NAV2: variants seen among roughly 807,000 people sequenced by gnomAD.
The protein encoded by NAV2 is helicase, APC down-regulated 1.
A neutral mutation model predicts 223.2 loss-of-function variants in NAV2; 54 were observed. That is an observed-to-expected ratio of 0.24 (90% CI 0.19 to 0.30). The LOEUF is 0.30. Among genes scored for constraint, NAV2 ranks in the 10% least tolerant of loss-of-function variants. The pLI is 1.00. For synonymous variants in NAV2, 1,279 were observed against 1,239.3 expected (o/e 1.03, Z -0.67); for missense variants, 2,806 against 3,147.5 (o/e 0.89, Z 2.60).
chr11:19,388,284 C>T (rs954880080), intron 1 of NAV2, among the ~76,000 whole-genome samples: 1 of 152,260 alleles, frequency 6.6e-6, no homozygotes, highest in East Asian at 1.9e-4. Flanking sequence ...CCTTGCAAAC[C>T]CATCGCTCAT....
intron 1 of NAV2, among the ~76,000 whole-genome samples, chr11:19,669,597 T>C (rs1192350722): frequency 6.6e-6 from 1 of 152,262 alleles, no homozygotes; most frequent in Non-Finnish European, 1.5e-5. Flanking sequence ...TTGGGTACCA[T>C]GGAGCTCACA....
chr11:20,080,230 C>T, intron 25 of NAV2, 21 bp downstream of exon 25: 1 of 1,609,236 alleles, frequency 6.2e-7, no homozygotes, highest in Non-Finnish European at 8.5e-7. Flanking sequence ...ATCCACTCTC[C>T]TGGGGACTGA....
chr11:19,422,089 G>C (rs766920097), intron 1 of NAV2, among the ~76,000 whole-genome samples: 3 of 152,158 alleles, frequency 2.0e-5, no homozygotes, highest in Non-Finnish European at 4.4e-5. Context: ...GAGAGAGGAG[G>C]GGACTTGCAT....
At chr11:19,721,390 C>T (rs1033677219) in intron 1 of NAV2, among the ~76,000 whole-genome samples, 3 of 152,176 alleles carry the variant, frequency 2.0e-5, no homozygotes, top group African/African-American at 7.2e-5. Context: ...CCACAAGGCC[C>T]ACTAAACGTC....
intron 4 of NAV2, among the ~76,000 whole-genome samples, chr11:19,871,315 C>G (rs1173510892): frequency 1.3e-5 from 2 of 152,204 alleles, no homozygotes. Context: ...ACTCAAAGCT[C>G]TTTACCCTCA....
At chr11:19,411,236 G>A (rs970828825) in intron 1 of NAV2, among the ~76,000 whole-genome samples, 1 of 152,146 alleles carries the variant, frequency 6.6e-6, no homozygotes, top group Non-Finnish European at 1.5e-5. Flanking sequence ...AGCAGCAGGA[G>A]GTACTTCAGT....
At chr11:19,630,095 A>G (rs1020541310) in intron 1 of NAV2, among the ~76,000 whole-genome samples, 1 of 150,786 alleles carries the variant, frequency 6.6e-6, no homozygotes, top group Non-Finnish European at 1.5e-5. Flanking sequence ...GGGGAATGCG[A>G]CCTATGTTCC....
intron 1 of NAV2, among the ~76,000 whole-genome samples, chr11:19,667,003 G>A (rs1360691604): frequency 6.6e-6 from 1 of 152,020 alleles, no homozygotes; most frequent in African/African-American, 2.4e-5. Context: ...CCTCCAGAAG[G>A]CCCTCCCCAG....
intron 12 of NAV2, among the ~76,000 whole-genome samples, chr11:20,037,018 G>C (rs1377633441): frequency 6.6e-6 from 1 of 152,164 alleles, no homozygotes; most frequent in African/African-American, 2.4e-5. Flanking sequence ...TTTACTAGTG[G>C]AAACGTAAAG....
intron 1 of NAV2, among the ~76,000 whole-genome samples, chr11:19,574,813 T>C (rs1393515815): frequency 6.6e-6 from 1 of 152,052 alleles, no homozygotes; most frequent in East Asian, 1.9e-4. Context: ...GTGATGAGTG[T>C]GGGGAGAATA....
chr11:19,468,129 A>G (rs1590263908), intron 1 of NAV2, among the ~76,000 whole-genome samples: 1 of 152,326 alleles, frequency 6.6e-6, no homozygotes, highest in East Asian at 1.9e-4. Context: ...CTTGAGTCAG[A>G]CAAACTTGGC....
chr11:20,032,370 G>A (rs2056655072), intron 11 of NAV2, among the ~76,000 whole-genome samples: 1 of 152,204 alleles, frequency 6.6e-6, no homozygotes, highest in African/African-American at 2.4e-5. Context: ...GAAGAATCCT[G>A]TGTATCAAGG....
At chr11:19,471,704 T>C (rs1183702413) in intron 1 of NAV2, among the ~76,000 whole-genome samples, 1 of 152,222 alleles carries the variant, frequency 6.6e-6, no homozygotes, top group African/African-American at 2.4e-5. Context: ...TGTTCATTTT[T>C]GATTTTCAAC....
At chr11:19,978,839 T>G (rs2050047557) in intron 10 of NAV2, 2 of 152,180 alleles carry the variant, frequency 1.3e-5, no homozygotes, top group African/African-American at 4.8e-5. Flanking sequence ...CTGTGAACTT[T>G]GGAAATGAGA....
At chr11:19,724,271 G>T (rs747485714) in intron 1 of NAV2, among the ~76,000 whole-genome samples, 7 of 152,190 alleles carry the variant, frequency 4.6e-5, no homozygotes, top group Admixed American at 2.6e-4. Context: ...CAGATGTTCT[G>T]CTCTGAAAGG....
intron 32 of NAV2, 102 bp from the exon 33 acceptor site, chr11:20,103,153 T>C: frequency 1.7e-6 from 2 of 1,151,728 alleles, no homozygotes; most frequent in Non-Finnish European, 2.5e-6. Context: ...TGAAGGGCCT[T>C]TCTGCCTCCA....
chr11:19,884,102 C>A (rs2063380241), intron 5 of NAV2, among the ~76,000 whole-genome samples: 1 of 152,204 alleles, frequency 6.6e-6, no homozygotes, highest in South Asian at 2.1e-4. Context: ...AAAGCAGTTT[C>A]TTCACATTGG....
intron 1 of NAV2, among the ~76,000 whole-genome samples, chr11:19,499,734 G>A (rs1412991921): frequency 1.1e-4 from 16 of 152,192 alleles, no homozygotes. Flanking sequence ...TATCCTCAGT[G>A]CCTGGCCCAG....
chr11:19,932,477 C>A (rs1251212463), intron 6 of NAV2, among the ~76,000 whole-genome samples: 1 of 152,224 alleles, frequency 6.6e-6, no homozygotes, highest in South Asian at 2.1e-4. Context: ...TGCCACCACA[C>A]CCAGCTAATT....
Sources: allele counts gnomAD v4.1 joint callset (sites outside exome capture counted in the v4.1 genomes callset), GRCh38; gene constraint gnomAD v4.1.1; transcripts MANE v1.5; gene names NCBI Gene and HGNC (gene_info 2026-07-23, HGNC 2026-07-21).